Variants in RPS6KC1 observed in about 807,000 individuals in gnomAD.
The protein encoded by RPS6KC1 is ribosomal protein S6 kinase C1.
Under a neutral mutation model 103.8 loss-of-function variants are expected in RPS6KC1, and 54 were observed. That is an observed-to-expected ratio of 0.52 (90% CI 0.42 to 0.65). RPS6KC1 has a LOEUF of 0.65. RPS6KC1 is among the 30% of genes least tolerant of loss of function. The pLI is 0.00. For missense variants in RPS6KC1, 1,151 were observed against 1,253.8 expected (o/e 0.92, Z 1.24); for synonymous variants, 439 against 438.7 (o/e 1.00, Z -0.01).
intron 8 of RPS6KC1, among the ~76,000 whole-genome samples, chr1:213,208,482 C>T (rs2148650551): frequency 6.6e-6 from 1 of 152,252 alleles, no homozygotes; most frequent in Middle Eastern, 3.4e-3. Flanking sequence ...AAATCTTTCT[C>T]ATTTTTTGAG....
At chr1:213,243,905 T>C (rs2094408210) in intron 12 of RPS6KC1, among the ~76,000 whole-genome samples, 1 of 152,232 alleles carries the variant, frequency 6.6e-6, no homozygotes, top group Admixed American at 6.5e-5. Context: ...AGATTGTTTC[T>C]AGTTACAACT....
At chr1:213,569,215 G>T in the RPS6KC1 span, among the ~76,000 whole-genome samples, 173 of 152,280 alleles carry the variant, frequency 1.1e-3, no homozygotes, top group African/African-American at 4.0e-3. Context: ...TTGCTGACTT[G>T]TCTGAGGTTG....
the RPS6KC1 span, among the ~76,000 whole-genome samples, chr1:213,511,095 A>G: frequency 6.6e-6 from 1 of 152,222 alleles, no homozygotes; most frequent in African/African-American, 2.4e-5. Context: ...TAATTTAGAA[A>G]ATGGAGCTTT....
the RPS6KC1 span, among the ~76,000 whole-genome samples, chr1:213,334,013 G>A: frequency 6.6e-6 from 1 of 152,180 alleles, no homozygotes; most frequent in Admixed American, 6.5e-5. Context: ...ACTAGAAGAG[G>A]CACTCAGTGG....
chr1:213,772,986 T>C, the RPS6KC1 span, among the ~76,000 whole-genome samples: 33 of 152,230 alleles, frequency 2.2e-4, no homozygotes, highest in African/African-American at 6.7e-4. Flanking sequence ...TTTTCGCCGA[T>C]GGGTAACTTT....
rs2094346358 is a variant in RPS6KC1 at position 213,241,299 on chromosome 1, G to C, written c.1823G>C (p.Ser608Thr). The change falls in exon 11 of 15, where the codon AGC becomes ACC. Residue 608 changes from serine (S) to threonine (T), a missense_variant. By Grantham distance (58) the Ser-to-Thr change is moderately conservative. Transcript: ENST00000366960. ...TTCTTTAGGATAGACAGTAAGGATA[G>C]CGCAAGTGAACTCCTGGGACTTGAC... Reference protein sequence around the residue: ...MEFFRIDSKDSASELLGLDFG... With the variant: ...MEFFRIDSKDTASELLGLDFG... 6.2e-7 allele frequency: 1 copy of C among 1,613,994 alleles called. No individual in the cohort carries two copies. Among genetic ancestry groups the C allele is most frequent in the Middle Eastern group, 1.7e-4 (1 of 6,060 alleles).
intron 8 of RPS6KC1, among the ~76,000 whole-genome samples, chr1:213,198,206 T>C (rs905796135): frequency 1.1e-4 from 16 of 152,374 alleles, no homozygotes; most frequent in Admixed American, 7.8e-4. Flanking sequence ...CCTTCATTTA[T>C]GAAGCTTAGT....
At chr1:213,091,877 T>A (rs1439143125) in intron 3 of RPS6KC1, among the ~76,000 whole-genome samples, 3 of 152,236 alleles carry the variant, frequency 2.0e-5, no homozygotes. Flanking sequence ...AAAATTATTG[T>A]TCTCAAGGGT....
chr1:213,621,135 C>G, the RPS6KC1 span, among the ~76,000 whole-genome samples: 1 of 152,190 alleles, frequency 6.6e-6, no homozygotes, highest in Non-Finnish European at 1.5e-5. Flanking sequence ...TCTCTGCCCC[C>G]ACTACTCTCC....
chr1:213,435,758 A>T, the RPS6KC1 span, among the ~76,000 whole-genome samples: 3 of 152,150 alleles, frequency 2.0e-5, no homozygotes, highest in African/African-American at 7.2e-5. Context: ...TAATTTCCTG[A>T]CACACATGTT....
chr1:213,397,038 C>T, the RPS6KC1 span, among the ~76,000 whole-genome samples: 1 of 152,146 alleles, frequency 6.6e-6, no homozygotes, highest in Non-Finnish European at 1.5e-5. Context: ...TAAAGAAAAT[C>T]CATGTGTAAA....
chr1:213,454,117 TTTA>T, the RPS6KC1 span, among the ~76,000 whole-genome samples: 1 of 150,784 alleles, frequency 6.6e-6, no homozygotes, highest in Admixed American at 6.6e-5. Context: ...GAGTCAAAAG[TTTA>T]TTAATATATG....
the RPS6KC1 span, among the ~76,000 whole-genome samples, chr1:213,754,235 G>T: frequency 6.6e-6 from 1 of 152,206 alleles, no homozygotes; most frequent in South Asian, 2.1e-4. Context: ...CTTGTGGATG[G>T]CCGTCTTCTC....
chr1:213,583,186 G>A, the RPS6KC1 span, among the ~76,000 whole-genome samples: 22 of 152,300 alleles, frequency 1.4e-4, no homozygotes, highest in East Asian at 2.3e-3. Context: ...GTCATTTCCA[G>A]TCTGGGGCTA....
chr1:213,381,116 G>A, the RPS6KC1 span, among the ~76,000 whole-genome samples: 75 of 152,322 alleles, frequency 4.9e-4, no homozygotes, highest in African/African-American at 1.7e-3. Flanking sequence ...GGAACAGGCT[G>A]GGTTCTTGTG....
chr1:213,611,182 G>A, the RPS6KC1 span, among the ~76,000 whole-genome samples: 3 of 152,062 alleles, frequency 2.0e-5, no homozygotes, highest in African/African-American at 7.2e-5. Flanking sequence ...TCTTTTATGT[G>A]GAGGGAACAA....
the RPS6KC1 span, among the ~76,000 whole-genome samples, chr1:213,363,564 C>A: frequency 6.6e-6 from 1 of 152,102 alleles, no homozygotes; most frequent in African/African-American, 2.4e-5. Context: ...GTGAGAGAAA[C>A]AAAGGGCAAA....
At chr1:213,157,263 G>GA (rs1354649083) in intron 6 of RPS6KC1, among the ~76,000 whole-genome samples, 1 of 151,248 alleles carries the variant, frequency 6.6e-6, no homozygotes, top group Non-Finnish European at 1.5e-5. Context: ...GCCCAGACTG[G>GA]AGTGCAGTGG....
the RPS6KC1 span, among the ~76,000 whole-genome samples, chr1:213,335,884 A>G: frequency 6.6e-6 from 1 of 152,352 alleles, no homozygotes; most frequent in South Asian, 2.1e-4. Context: ...GAATTAGAGA[A>G]TGTGAAAAGG....
Sources: allele counts gnomAD v4.1 joint callset (sites outside exome capture counted in the v4.1 genomes callset), GRCh38; gene constraint gnomAD v4.1.1; transcripts MANE v1.5; gene names NCBI Gene and HGNC (gene_info 2026-07-23, HGNC 2026-07-21).